SOX5: variants seen among roughly 807,000 people sequenced by gnomAD.
The protein encoded by SOX5 is transcription factor SOX-5.
Under a neutral mutation model 92.0 loss-of-function variants are expected in SOX5, and 9 were observed. The observed-to-expected ratio is 0.10, with a 90% CI of 0.06 to 0.17. SOX5 has a LOEUF of 0.17. Ranked by LOEUF, SOX5 falls within the 10% of genes least tolerant of loss-of-function variation. The probability of loss-of-function intolerance (pLI) is 1.00; values close to 1 mark genes in which losing one functional copy is unlikely to be tolerated. For synonymous variants in SOX5, 344 were observed against 336.3 expected, an observed-to-expected ratio of 1.02 and a Z score of -0.25; for missense variants, 642 against 944.5, an observed-to-expected ratio of 0.68 and a Z score of 4.20.
intron 3 of SOX5, among the ~76,000 whole-genome samples, chr12:23,787,889 G>A (rs2095409013): frequency 6.6e-6 from 1 of 151,734 alleles, no homozygotes; most frequent in Non-Finnish European, 1.5e-5. Context: ...ATAATACATA[G>A]GAAAGTGAGA....
intron 9 of SOX5, among the ~76,000 whole-genome samples, chr12:23,600,307 C>T (rs949369294): frequency 1.4e-4 from 21 of 151,520 alleles, no homozygotes; most frequent in Non-Finnish European, 1.9e-4. Context: ...ATAATATCTG[C>T]GAAGAGCTAA....
At position 24,497,439 on chromosome 12, in the gene SOX5, G is replaced by A. The variant is rs4131687; in HGVS notation, c.-251+64890C>T. On this transcript the variant is annotated intron_variant, in intron 1 of 4. Coordinates refer to the SOX5 transcript ENST00000446891. ...ATTTCAACAAAAGCCTTCTGACAGC[G>A]AGGTGTAGAGGGTCTTCATCCTAAT... 3.3e-5 allele frequency among the ~76,000 whole-genome samples: 5 copies of A among 152,324 alleles called. No homozygotes were observed. The South Asian group carries it at 6.2e-4, about 19-fold the overall frequency.
At chr12:23,858,758 C>A (rs555876225) in intron 2 of SOX5, among the ~76,000 whole-genome samples, 1 of 152,156 alleles carries the variant, frequency 6.6e-6, no homozygotes, top group Non-Finnish European at 1.5e-5. Context: ...CATTGCAGCA[C>A]TGTTTACTGT....
At chr12:24,428,809 T>C (rs1401882760) in intron 1 of SOX5, among the ~76,000 whole-genome samples, 7 of 143,392 alleles carry the variant, frequency 4.9e-5, no homozygotes, top group African/African-American at 1.8e-4. Context: ...AAACCATCAT[T>C]CTACAACGAT....
At chr12:23,857,591 C>T (rs1257772461) in intron 2 of SOX5, among the ~76,000 whole-genome samples, 1 of 152,134 alleles carries the variant, frequency 6.6e-6, no homozygotes, top group African/African-American at 2.4e-5. Flanking sequence ...TCATCCATAG[C>T]CTGGTGATAG....
intron 1 of SOX5, among the ~76,000 whole-genome samples, chr12:24,464,386 G>A (rs12579873): frequency 0.23 from 35,143 of 150,116 alleles, 4,830 homozygotes; most frequent in East Asian, 0.67. Flanking sequence ...GCAGTGGCAC[G>A]ATCTCGGCTC....
chr12:24,502,965 G>T (rs1401493883), intron 1 of SOX5, among the ~76,000 whole-genome samples: 1 of 152,192 alleles, frequency 6.6e-6, no homozygotes, highest in Non-Finnish European at 1.5e-5. Context: ...TCAAGATCAT[G>T]AAAAACAGGG....
rs1193534579 is a variant in SOX5, at chr12:24,424,758, T to G, written c.-250-56119A>C. Among the ~76,000 whole-genome samples, 4 of 151,046 alleles carry G rather than the reference T, an allele frequency of 2.6e-5. No individual in the cohort carries two copies. The Admixed American group carries it at 2.7e-4, about 10-fold the overall frequency. On this transcript the variant is annotated intron_variant, in intron 1 of 4. Transcript: ENST00000446891. ...GAAAGTGTTAGCAAATACATTCTGT[T>G]AAATTTCAAATTGTATGATCTGGGC...
At chr12:24,406,177 A>G (rs1369368230) in intron 1 of SOX5, among the ~76,000 whole-genome samples, 1 of 152,134 alleles carries the variant, frequency 6.6e-6, no homozygotes, top group Non-Finnish European at 1.5e-5. Context: ...CAGGTGTGAG[A>G]GAGCCAGCCT....
chr12:23,803,528 A>G (rs2095702986), intron 3 of SOX5, among the ~76,000 whole-genome samples: 2 of 152,216 alleles, frequency 1.3e-5, no homozygotes, highest in Admixed American at 1.3e-4. Context: ...CTGATAGCCT[A>G]CTAATGAATT....
At chr12:24,265,966 T>C (rs189946588) in intron 3 of SOX5, among the ~76,000 whole-genome samples, 1 of 151,964 alleles carries the variant, frequency 6.6e-6, no homozygotes, top group Non-Finnish European at 1.5e-5. Flanking sequence ...AGTGGCATGA[T>C]CATGGCTCAC....
At chr12:24,321,185 T>C (rs909563147) in intron 2 of SOX5, among the ~76,000 whole-genome samples, 82 of 152,326 alleles carry the variant, frequency 5.4e-4, no homozygotes, top group Admixed American at 1.3e-3. Flanking sequence ...ATCTATGGAT[T>C]AAAAATGTCT....
chr12:23,949,537 A>G, intron 1 of SOX5, 27 bp downstream of exon 1: 2 of 1,613,002 alleles, frequency 1.2e-6, no homozygotes, highest in Non-Finnish European at 1.7e-6. Flanking sequence ...GTACTTCAAT[A>G]TATTAGGGGG....
chr12:24,343,221 A>T (rs1007966466), intron 2 of SOX5, among the ~76,000 whole-genome samples: 1 of 152,156 alleles, frequency 6.6e-6, no homozygotes, highest in Non-Finnish European at 1.5e-5. Flanking sequence ...ACTCTCTGTG[A>T]CAGGTCTGCC....
chr12:23,615,204 T>C (rs938544992), intron 8 of SOX5, among the ~76,000 whole-genome samples: 3 of 152,188 alleles, frequency 2.0e-5, no homozygotes, highest in African/African-American at 7.2e-5. Flanking sequence ...CTAATGATGT[T>C]GAGCATCTTT....
intron 6 of SOX5, among the ~76,000 whole-genome samples, chr12:23,726,170 AGAGAGG>A (rs1296753936): frequency 8.0e-5 from 7 of 87,120 alleles, no homozygotes; most frequent in Non-Finnish European, 1.4e-4. Context: ...AGAGAGAGAG[AGAGAGG>A]TCAGTTTCTC....
At chr12:23,558,245 G>C (rs1222139364) in intron 11 of SOX5, among the ~76,000 whole-genome samples, 2 of 152,034 alleles carry the variant, frequency 1.3e-5, no homozygotes, top group African/African-American at 4.8e-5. Flanking sequence ...TAATTTAGTG[G>C]TAAAAAATAA....
chr12:23,961,419 T>C (rs1417980933), intron 4 of SOX5, among the ~76,000 whole-genome samples: 1 of 152,156 alleles, frequency 6.6e-6, no homozygotes, highest in African/African-American at 2.4e-5. Flanking sequence ...ATATCATGAA[T>C]TTCATGTTCT....
chr12:24,336,251 C>A (rs560188117), intron 2 of SOX5, among the ~76,000 whole-genome samples: 10 of 151,814 alleles, frequency 6.6e-5, no homozygotes, highest in African/African-American at 2.2e-4. Context: ...CCCGCCACCA[C>A]GCCCAGTAAT....
Sources: gnomAD v4.1 joint callset for allele counts (sites outside exome capture counted in the v4.1 genomes callset) on GRCh38, gnomAD v4.1.1 for gene constraint, MANE v1.5 for transcripts, NCBI Gene and HGNC (gene_info 2026-07-23, HGNC 2026-07-21) for gene names.